The following CSMD3 variants were observed in gnomAD, a reference collection of about 807,000 sequenced individuals.
CSMD3 encodes the protein CUB and Sushi multiple domains 3.
Under a neutral mutation model 435.2 loss-of-function variants are expected in CSMD3, and 177 were observed. The ratio of observed to expected loss-of-function variants is 0.41; its 90% CI spans 0.36 to 0.46. The LOEUF is 0.46. Among genes scored for constraint, CSMD3 ranks in the 20% least tolerant of loss-of-function variants. The probability of loss-of-function intolerance (pLI) is 0.34; values close to 1 mark genes in which losing one functional copy is unlikely to be tolerated. For missense variants in CSMD3, 4,265 were observed against 4,504.6 expected (o/e 0.95, Z 1.52); for synonymous variants, 1,656 against 1,520.5 (o/e 1.09, Z -2.07).
intron 32 of CSMD3, among the ~76,000 whole-genome samples, chr8:112,452,674 T>C (rs972534250): frequency 9.2e-5 from 14 of 152,352 alleles, no homozygotes; most frequent in African/African-American, 3.4e-4. Context: ...AGTTTTCACA[T>C]AGCAATGGAT....
chr8:112,279,246 T>C (rs142663443), intron 59 of CSMD3, among the ~76,000 whole-genome samples: 14 of 152,314 alleles, frequency 9.2e-5, no homozygotes, highest in African/African-American at 3.4e-4. Context: ...AAAATCTTTG[T>C]GGTCTTCATA....
At chr8:112,301,732 G>A (rs2130755508) in intron 53 of CSMD3, 61 bp downstream of exon 53, 1 of 1,217,504 alleles carries the variant, frequency 8.2e-7, no homozygotes, top group Non-Finnish European at 1.2e-6. Flanking sequence ...AAAAAGAGAT[G>A]CCTCTTTTCA....
chr8:112,905,321 T>TACACAC (rs1554715002), intron 10 of CSMD3, among the ~76,000 whole-genome samples: 2,109 of 145,662 alleles, frequency 0.014, 53 homozygotes, highest in African/African-American at 0.049. Flanking sequence ...TATATATATA[T>TACACAC]ACACACACAC....
intron 13 of CSMD3, among the ~76,000 whole-genome samples, chr8:112,720,485 T>A (rs748087473): frequency 6.6e-6 from 1 of 152,146 alleles, no homozygotes; most frequent in Non-Finnish European, 1.5e-5. Flanking sequence ...ATCACATAGT[T>A]CACCTACAAA....
chr8:112,853,248 T>C (rs536302158), intron 11 of CSMD3, among the ~76,000 whole-genome samples: 1 of 152,238 alleles, frequency 6.6e-6, no homozygotes, highest in South Asian at 2.1e-4. Flanking sequence ...TTCCTTGAGA[T>C]GGAGTCTGAC....
chr8:113,420,451 G>T (rs1268356027), intron 1 of CSMD3, among the ~76,000 whole-genome samples: 2 of 151,926 alleles, frequency 1.3e-5, no homozygotes, highest in Non-Finnish European at 2.9e-5. Context: ...ACAGTGGAAT[G>T]CCCCTCCTTA....
intron 7 of CSMD3, among the ~76,000 whole-genome samples, chr8:112,971,266 T>G (rs1348714347): frequency 1.3e-5 from 2 of 152,200 alleles, no homozygotes; most frequent in East Asian, 1.9e-4. Flanking sequence ...TCACAAGAGC[T>G]AAAACATATT....
At chr8:113,252,896 G>A (rs1364735841) in intron 3 of CSMD3, among the ~76,000 whole-genome samples, 1 of 152,070 alleles carries the variant, frequency 6.6e-6, no homozygotes, top group Non-Finnish European at 1.5e-5. Context: ...AAGAATCAAT[G>A]CTGAGAGGTA....
At chr8:112,336,329 TGTAA>T (rs1317074526) in intron 44 of CSMD3, among the ~76,000 whole-genome samples, 1 of 152,206 alleles carries the variant, frequency 6.6e-6, no homozygotes. Context: ...CACTGGCTTT[TGTAA>T]GTAGAGAACT....
intron 2 of CSMD3, among the ~76,000 whole-genome samples, chr8:113,300,761 A>T (rs1378334321): frequency 6.6e-6 from 1 of 152,062 alleles, no homozygotes; most frequent in Non-Finnish European, 1.5e-5. Context: ...TGGTGATGGG[A>T]TTATATGTAT....
chr8:113,340,848 G>A (rs1211053169), intron 1 of CSMD3, among the ~76,000 whole-genome samples: 1 of 137,750 alleles, frequency 7.3e-6, no homozygotes, highest in African/African-American at 2.8e-5. Flanking sequence ...CAGCGTGGGC[G>A]ACAAAGCAAG....
At chr8:112,294,905 A>T (rs990477717) in intron 54 of CSMD3, among the ~76,000 whole-genome samples, 2 of 152,064 alleles carry the variant, frequency 1.3e-5, no homozygotes, top group African/African-American at 4.8e-5. Context: ...TCTGCTTTTT[A>T]AAAAATTATT....
chr8:112,895,296 A>C (rs2130371681), intron 10 of CSMD3, among the ~76,000 whole-genome samples: 1 of 151,586 alleles, frequency 6.6e-6, no homozygotes, highest in East Asian at 2.0e-4. Flanking sequence ...AAAACGAATA[A>C]TTAGAATAGG....
At position 112,502,854 on chromosome 8, in the gene CSMD3, G is replaced by A. The variant is rs570745594; in HGVS notation, c.5083+936C>T. On this transcript the variant is annotated intron_variant, in intron 30 of 70. Transcript: ENST00000297405. ...TTCAGAAATCAGTTGATAACTTGAG[G>A]TGAATTATTAGTATGCCATTCATGG... Among the ~76,000 whole-genome samples, 5 of 152,188 alleles carry A rather than the reference G, an allele frequency of 3.3e-5. No homozygotes were observed. The South Asian group carries it at 1.0e-3, about 32-fold the overall frequency.
At chr8:112,283,916 G>C (rs536780247) in intron 58 of CSMD3, among the ~76,000 whole-genome samples, 1 of 151,730 alleles carries the variant, frequency 6.6e-6, no homozygotes, top group Non-Finnish European at 1.5e-5. Flanking sequence ...TCAACACATA[G>C]AAATAATAAA....
intron 3 of CSMD3, among the ~76,000 whole-genome samples, chr8:113,251,711 C>T (rs1156412704): frequency 6.6e-6 from 1 of 152,016 alleles, no homozygotes; most frequent in Non-Finnish European, 1.5e-5. Context: ...TTTAAACACA[C>T]TAATGTTACA....
rs1826042092 is a variant in CSMD3 at position 112,350,533 on chromosome 8, T to C, written c.6325+642A>G. Reference sequence around the variant, plus strand: ...TCTAGTACTCCAAATAGTAATTGAATGTTTTAAAGGTAGGGATCATACCTC... The same window carrying C: ...TCTAGTACTCCAAATAGTAATTGAACGTTTTAAAGGTAGGGATCATACCTC... On this transcript the variant is annotated intron_variant, in intron 40 of 70. Transcript: ENST00000297405. 3.3e-5 allele frequency among the ~76,000 whole-genome samples: 5 copies of C among 152,094 alleles called. No individual in the cohort carries two copies. In the South Asian group the frequency reaches 1.0e-3, roughly 31 times the overall value.
intron 10 of CSMD3, among the ~76,000 whole-genome samples, chr8:112,918,940 C>T (rs1359196916): frequency 1.3e-5 from 2 of 151,888 alleles, no homozygotes; most frequent in Non-Finnish European, 2.9e-5. Context: ...ACCCATGAGA[C>T]ATGAGAACTA....
At chr8:113,226,452 C>A (rs925014779) in intron 3 of CSMD3, among the ~76,000 whole-genome samples, 1 of 151,578 alleles carries the variant, frequency 6.6e-6, no homozygotes, top group African/African-American at 2.4e-5. Context: ...AGCAGTTCCA[C>A]AGATGGCATG....
Sources: gnomAD v4.1 joint callset for allele counts (sites outside exome capture counted in the v4.1 genomes callset) on GRCh38, gnomAD v4.1.1 for gene constraint, MANE v1.5 for transcripts, NCBI Gene and HGNC (gene_info 2026-07-23, HGNC 2026-07-21) for gene names.